Variants in ESRP1 observed in about 807,000 individuals in gnomAD.
ESRP1 encodes epithelial splicing regulatory protein 1.
A neutral mutation model predicts 81.7 loss-of-function variants in ESRP1; 33 were observed. The ratio of observed to expected loss-of-function variants is 0.40; its 90% CI spans 0.31 to 0.54. The LOEUF is 0.54. Among genes scored for constraint, ESRP1 ranks in the 20% least tolerant of loss-of-function variants. The pLI, the probability that ESRP1 is intolerant of heterozygous loss-of-function variation, is 0.41. For synonymous variants in ESRP1, 320 were observed against 303.3 expected, an observed-to-expected ratio of 1.06 and a Z score of -0.57; for missense variants, 672 against 833.1, an observed-to-expected ratio of 0.81 and a Z score of 2.38.
intron 4 of ESRP1, among the ~76,000 whole-genome samples, chr8:94,657,145 G>A (rs1818467211): frequency 6.6e-6 from 1 of 152,156 alleles, no homozygotes; most frequent in African/African-American, 2.4e-5. Context: ...CTGAAATGAT[G>A]AGTTTTGTTC....
intron 13 of ESRP1, among the ~76,000 whole-genome samples, chr8:94,690,531 A>G (rs1809360211): frequency 6.6e-6 from 1 of 152,136 alleles, no homozygotes; most frequent in Non-Finnish European, 1.5e-5. Context: ...ACAGCAGGTA[A>G]TCATAGCTGT....
At chr8:94,662,704 T>G in intron 6 of ESRP1, 149 bp downstream of exon 6, 7 of 602,786 alleles carry the variant, frequency 1.2e-5, no homozygotes, top group East Asian at 3.0e-5. Flanking sequence ...GCCTCCCGGG[T>G]TCATGCCATT....
At chr8:94,642,470 G>T (rs1197112851) in intron 2 of ESRP1, among the ~76,000 whole-genome samples, 2 of 152,238 alleles carry the variant, frequency 1.3e-5, no homozygotes, top group African/African-American at 2.4e-5. Flanking sequence ...TTCGGGCAGG[G>T]GGCGCTGTGG....
At chr8:94,680,420 G>T (rs1012380935) in intron 13 of ESRP1, among the ~76,000 whole-genome samples, 1 of 152,098 alleles carries the variant, frequency 6.6e-6, no homozygotes, top group Non-Finnish European at 1.5e-5. Flanking sequence ...AATTTTGATA[G>T]AAAAACATTA....
chr8:94,678,419 CT>C, intron 13 of ESRP1, 48 bp downstream of exon 13: 1 of 1,585,390 alleles, frequency 6.3e-7, no homozygotes, highest in Non-Finnish European at 8.6e-7. Context: ...CAAAGGACTC[CT>C]TTGATAGCCA....
In ESRP1 at chr8:94,641,315, C is replaced by G; in HGVS notation, c.-4C>G. ...CCCCCCTCTCCCCCTCCCCACCTAT[C>G]GTCATGACGGCCTCTCCGGATTACT... On this transcript the variant is annotated 5_prime_UTR_variant, in exon 1 of 16. In the 5' UTR this introduces an upstream ATG that the reference lacks. Transcript: ENST00000433389. 2 of 1,569,948 alleles carry G rather than the reference C, an allele frequency of 1.3e-6. No individual in the cohort carries two copies. The highest frequency in any genetic ancestry group is 1.3e-5 in the African/African-American group (1 of 74,110).
intron 15 of ESRP1, among the ~76,000 whole-genome samples, chr8:94,703,114 T>TTTG (rs912179879): frequency 2.0e-5 from 3 of 150,948 alleles, no homozygotes; most frequent in Non-Finnish European, 4.4e-5. Flanking sequence ...GATTGTTTTT[T>TTTG]TTTTTTTTTT....
chr8:94,685,883 G>A (rs1387426485), intron 13 of ESRP1, among the ~76,000 whole-genome samples: 1 of 152,088 alleles, frequency 6.6e-6, no homozygotes, highest in East Asian at 1.9e-4. Context: ...TAAAGGAAAG[G>A]ATATCATAAC....
intron 13 of ESRP1, among the ~76,000 whole-genome samples, chr8:94,682,523 C>G (rs1563540362): frequency 6.6e-6 from 1 of 151,882 alleles, no homozygotes; most frequent in South Asian, 2.1e-4. Context: ...TGCACCACCT[C>G]ACTTGGCTAA....
chr8:94,654,227 A>G (rs1818291403), intron 4 of ESRP1, among the ~76,000 whole-genome samples: 1 of 152,194 alleles, frequency 6.6e-6, no homozygotes, highest in South Asian at 2.1e-4. Flanking sequence ...CTGAGGCATG[A>G]GAATCGCTTG....
chr8:94,662,568 G>A lies in ESRP1; in HGVS notation c.644+13G>A, dbSNP rs751830768. On this transcript the variant is annotated intron_variant, in intron 6 of 15. Coordinates refer to ENST00000433389, the MANE Select transcript of ESRP1 (RefSeq NM_017697.4). ...AAAGTGGAACTTGGTAAGTGCTTGA[G>A]TACTATTTATTTGAGCTTTTTAACT... 1.9e-6 allele frequency: 3 copies of A among 1,566,888 alleles called. No homozygotes were observed. Among genetic ancestry groups the A allele is most frequent in the African/African-American group, 1.4e-5 (1 of 73,078 alleles).
chr8:94,648,250 C>T (rs990876855), intron 4 of ESRP1, among the ~76,000 whole-genome samples: 1 of 152,084 alleles, frequency 6.6e-6, no homozygotes, highest in Non-Finnish European at 1.5e-5. Flanking sequence ...GAGCAAGACC[C>T]TGTCTCAAAA....
intron 13 of ESRP1, 122 bp downstream of exon 13, chr8:94,678,493 C>T: frequency 1.7e-6 from 2 of 1,151,060 alleles, no homozygotes; most frequent in Non-Finnish European, 2.4e-6. Flanking sequence ...AGGCCACAGC[C>T]TCTGGTCATA....
chr8:94,691,035 C>A (rs1014356149), intron 13 of ESRP1, among the ~76,000 whole-genome samples: 1 of 152,118 alleles, frequency 6.6e-6, no homozygotes, highest in African/African-American at 2.4e-5. Context: ...CTGTTTCCAC[C>A]TCTGCAAAAA....
At chr8:94,680,552 T>G (rs889903429) in intron 13 of ESRP1, among the ~76,000 whole-genome samples, 2 of 152,120 alleles carry the variant, frequency 1.3e-5, no homozygotes, top group African/African-American at 4.8e-5. Flanking sequence ...TTCAGCCTCC[T>G]GAGTAGCTGG....
chr8:94,663,167 A>G (rs148445643), intron 6 of ESRP1, among the ~76,000 whole-genome samples: 17 of 152,334 alleles, frequency 1.1e-4, no homozygotes, highest in Admixed American at 5.2e-4. Flanking sequence ...GAAAATTTCC[A>G]AAGGAGAAAT....
At chr8:94,689,034 T>C (rs1422795222) in intron 13 of ESRP1, among the ~76,000 whole-genome samples, 1 of 152,100 alleles carries the variant, frequency 6.6e-6, no homozygotes, top group African/African-American at 2.4e-5. Context: ...GCAGATCACT[T>C]GAAGCCAGTA....
intron 14 of ESRP1, 76 bp from the exon 15 acceptor site, chr8:94,696,776 T>C: frequency 1.3e-5 from 15 of 1,147,390 alleles, no homozygotes; most frequent in Middle Eastern, 4.0e-4. Context: ...TGTTGGTAGA[T>C]CTATTTAGCT....
At chr8:94,702,214 T>A (rs1809868707) in intron 15 of ESRP1, among the ~76,000 whole-genome samples, 1 of 152,188 alleles carries the variant, frequency 6.6e-6, no homozygotes, top group Admixed American at 6.5e-5. Context: ...GGCTGGAGTG[T>A]AGTACTTAGA....
Sources: gnomAD v4.1 joint callset for allele counts (sites outside exome capture counted in the v4.1 genomes callset) on GRCh38, gnomAD v4.1.1 for gene constraint, MANE v1.5 for transcripts, NCBI Gene and HGNC (gene_info 2026-07-23, HGNC 2026-07-21) for gene names.